The following PSMA8 variants were observed in gnomAD, a reference collection of about 807,000 sequenced individuals.
PSMA8 encodes proteasome subunit alpha-type 8.
In PSMA8, 18 loss-of-function variants were observed where a neutral mutation model predicts 32.4. That is an observed-to-expected ratio of 0.56 (90% CI 0.38 to 0.82). The LOEUF (loss-of-function observed/expected upper bound fraction) is 0.82, where lower values mean the gene tolerates loss of function less well. Among genes scored for constraint, PSMA8 ranks in the 40% least tolerant of loss-of-function variants. The pLI, the probability that PSMA8 is intolerant of heterozygous loss-of-function variation, is 0.00. For synonymous variants in PSMA8, 104 were observed against 98.1 expected (o/e 1.06, Z -0.36); for missense variants, 298 against 300.7 (o/e 0.99, Z 0.07).
intron 6 of PSMA8, among the ~76,000 whole-genome samples, chr18:26,191,272 C>T (rs1018532051): frequency 6.6e-6 from 1 of 152,086 alleles, no homozygotes; most frequent in African/African-American, 2.4e-5. Context: ...TACCTCTTTT[C>T]AGTATTAAGA....
intron 2 of PSMA8, among the ~76,000 whole-genome samples, chr18:26,150,504 G>A (rs2144291242): frequency 6.6e-6 from 1 of 152,134 alleles, no homozygotes; most frequent in Non-Finnish European, 1.5e-5. Context: ...TGGCCTGCTA[G>A]CTTTTTTATT....
chr18:26,162,069 T>C (rs1308598531), intron 4 of PSMA8, among the ~76,000 whole-genome samples: 1 of 152,252 alleles, frequency 6.6e-6, no homozygotes, highest in Non-Finnish European at 1.5e-5. Context: ...TATTTATGGT[T>C]GTAAATGTGA....
rs1480449196 is a variant in PSMA8 at position 26,176,238 on chromosome 18, G to A, written c.478-2592G>A. Among the ~76,000 whole-genome samples, 8 of 152,270 alleles carry A rather than the reference G, an allele frequency of 5.3e-5. No homozygotes were observed. In the East Asian group the frequency reaches 1.2e-3, roughly 22 times the overall value. ...CATTAAGAATTGGAAGAAGTGGATA[G>A]GAAAGTCACCAGAAATGTGCAGGGT... On this transcript the variant is annotated intron_variant, in intron 4 of 6. Coordinates refer to ENST00000415576, the MANE Select transcript of PSMA8 (RefSeq NM_001025096.2).
intron 3 of PSMA8, among the ~76,000 whole-genome samples, chr18:26,155,084 A>G (rs2055077823): frequency 6.6e-6 from 1 of 152,118 alleles, no homozygotes; most frequent in African/African-American, 2.4e-5. Flanking sequence ...AAAATAAAAA[A>G]AACAGCTGGA....
intron 6 of PSMA8, among the ~76,000 whole-genome samples, chr18:26,185,376 T>A (rs2055344936): frequency 6.6e-6 from 1 of 150,808 alleles, no homozygotes; most frequent in African/African-American, 2.4e-5. Context: ...ATCTAGATTT[T>A]TCCTGTCCCT....
At chr18:26,145,586 T>C (rs2054996262) in intron 2 of PSMA8, among the ~76,000 whole-genome samples, 1 of 152,196 alleles carries the variant, frequency 6.6e-6, no homozygotes, top group African/African-American at 2.4e-5. Flanking sequence ...AATTTTGTCA[T>C]TTTGAGAATG....
At chr18:26,137,302 A>T (rs1215157022) in intron 1 of PSMA8, among the ~76,000 whole-genome samples, 1 of 152,186 alleles carries the variant, frequency 6.6e-6, no homozygotes, top group Non-Finnish European at 1.5e-5. Context: ...TACTAAAAAT[A>T]CAAAAAATTA....
chr18:26,192,526 T>G lies in PSMA8; in HGVS notation c.*115T>G, dbSNP rs138505570. 4 of 1,234,832 alleles carry G rather than the reference T, an allele frequency of 3.2e-6. No individual in the cohort carries two copies. The highest frequency in any genetic ancestry group is 6.6e-5 in the East Asian group (2 of 30,276). 76.5% of individuals were successfully genotyped at this position (1,234,832 alleles called of 1,614,324 possible). ...TTTGCAGCATTACATGCAGTACTTG[T>G]GTGATGTTTTGAGAATGCCAGATCT... On this transcript the variant is annotated 3_prime_UTR_variant, in exon 7 of 7. Transcript: ENST00000415576.
At chr18:26,178,572 AGCC>A (rs956704626) in intron 4 of PSMA8, among the ~76,000 whole-genome samples, 1 of 152,232 alleles carries the variant, frequency 6.6e-6, no homozygotes, top group Non-Finnish European at 1.5e-5. Context: ...ACTGCACTCC[AGCC>A]TGGGCAACAG....
intron 4 of PSMA8, among the ~76,000 whole-genome samples, chr18:26,160,763 G>A (rs185175148): frequency 9.8e-5 from 15 of 152,296 alleles, no homozygotes; most frequent in African/African-American, 3.4e-4. Context: ...ATAAACTGTC[G>A]CCACATGGCC....
intron 4 of PSMA8, among the ~76,000 whole-genome samples, chr18:26,168,495 T>G (rs1598660500): frequency 2.4e-5 from 3 of 125,752 alleles, no homozygotes; most frequent in Admixed American, 2.4e-4. Context: ...CTTGTTTTTT[T>G]TTTTTTTTTT....
At chr18:26,187,005 T>C (rs2055360833) in intron 6 of PSMA8, among the ~76,000 whole-genome samples, 1 of 152,150 alleles carries the variant, frequency 6.6e-6, no homozygotes, top group Non-Finnish European at 1.5e-5. Context: ...AGTAGAAAGG[T>C]AGAACTTAAA....
intron 2 of PSMA8, among the ~76,000 whole-genome samples, chr18:26,145,319 T>C (rs962369504): frequency 6.6e-6 from 1 of 152,104 alleles, no homozygotes; most frequent in Non-Finnish European, 1.5e-5. Context: ...GGTTTCTCCA[T>C]GTTGGTCAGG....
At chr18:26,144,890 C>T (rs545120338) in intron 2 of PSMA8, among the ~76,000 whole-genome samples, 1 of 152,278 alleles carries the variant, frequency 6.6e-6, no homozygotes, top group African/African-American at 2.4e-5. Flanking sequence ...TATTACTTTA[C>T]TTCAAAATTT....
chr18:26,153,911 T>C (rs1195100137), intron 3 of PSMA8, among the ~76,000 whole-genome samples: 1 of 152,192 alleles, frequency 6.6e-6, no homozygotes, highest in Non-Finnish European at 1.5e-5. Flanking sequence ...TTTTATTTTT[T>C]TATTTTTTGA....
At chr18:26,153,124 T>C (rs961417868) in intron 3 of PSMA8, among the ~76,000 whole-genome samples, 8 of 152,200 alleles carry the variant, frequency 5.3e-5, no homozygotes, top group Non-Finnish European at 1.0e-4. Flanking sequence ...ACAACTATTT[T>C]TTTTTACTAA....
intron 4 of PSMA8, among the ~76,000 whole-genome samples, chr18:26,164,221 T>TGAGGCCAGGAGCTC (rs1314938503): frequency 6.6e-6 from 1 of 152,182 alleles, no homozygotes; most frequent in Non-Finnish European, 1.5e-5. Context: ...GAGGATCACT[T>TGAGGCCAGGAGCTC]GAGGCCAGGA....
intron 6 of PSMA8, among the ~76,000 whole-genome samples, chr18:26,189,393 T>TGTG (rs1386308764): frequency 1.3e-5 from 2 of 151,968 alleles, no homozygotes; most frequent in Non-Finnish European, 2.9e-5. Context: ...ATTAGCCTGA[T>TGTG]GTGGTGGTGT....
At chr18:26,192,105 G>A (rs1453261402) in intron 6 of PSMA8, among the ~76,000 whole-genome samples, 1 of 151,988 alleles carries the variant, frequency 6.6e-6, no homozygotes, top group African/African-American at 2.4e-5. Context: ...TTCTTTTTTA[G>A]CACAGTGATA....
Sources: gnomAD v4.1 joint callset for allele counts (sites outside exome capture counted in the v4.1 genomes callset) on GRCh38, gnomAD v4.1.1 for gene constraint, MANE v1.5 for transcripts, NCBI Gene and HGNC (gene_info 2026-07-23, HGNC 2026-07-21) for gene names.